The following DSCAML1 variants were observed in gnomAD, a reference collection of about 807,000 sequenced individuals.
The protein encoded by DSCAML1 is cell adhesion molecule DSCAML1.
A neutral mutation model predicts 200.5 loss-of-function variants in DSCAML1; 38 were observed. The observed-to-expected ratio is 0.19, with a 90% CI of 0.15 to 0.25. DSCAML1 has a LOEUF of 0.25. Ranked by LOEUF, DSCAML1 falls within the 10% of genes least tolerant of loss-of-function variation. The pLI, the probability that DSCAML1 is intolerant of heterozygous loss-of-function variation, is 1.00. For missense variants in DSCAML1, 2,223 were observed against 2,858.8 expected (o/e 0.78, Z 5.07); for synonymous variants, 1,215 against 1,165.0 (o/e 1.04, Z -0.87).
chr11:117,634,752 T>C (rs2052243470), intron 3 of DSCAML1, among the ~76,000 whole-genome samples: 1 of 152,140 alleles, frequency 6.6e-6, no homozygotes, highest in African/African-American at 2.4e-5. Flanking sequence ...AGCTGCAAGG[T>C]GGTCCCCTAC....
Position 117,481,190 on chromosome 11 carries a change from G to A in DSCAML1, c.2640C>T (p.Ile880=), listed in dbSNP as rs183596860. 3.1e-5 allele frequency: 50 copies of A among 1,613,898 alleles called. No homozygotes were observed. The East Asian group carries it at 1.1e-3, about 35-fold the overall frequency. ...TGAAGGTACCTTGCACAGTGAGTTG[G>A]ATCAAGCCCCGGTCCTCCCCATACG... ...INSYGEDRGL[I]QLTVQEPPDP... The change falls in exon 13 of 33, where the codon ATC becomes ATT. Residue 880 remains isoleucine, a synonymous_variant. Coordinates refer to ENST00000651296, the MANE Select transcript of DSCAML1 (RefSeq NM_020693.4).
intron 2 of DSCAML1, among the ~76,000 whole-genome samples, chr11:117,777,748 G>C (rs1271189188): frequency 1.3e-5 from 2 of 151,412 alleles, no homozygotes; most frequent in Non-Finnish European, 2.9e-5. Context: ...TCCTGCCTCA[G>C]CTGGCTTCTA....
Position 117,753,867 on chromosome 11 carries a change from C to T in DSCAML1, c.511+22924G>A, listed in dbSNP as rs576709204. ...TCTCATGCTGTTACTCTATGTGACT[C>T]TGGACTAGGTTGTCACTAAGGTCCT... is the stretch of plus-strand genomic sequence containing the variant. On this transcript the variant is annotated intron_variant, in intron 3 of 32. Coordinates refer to ENST00000651296, the MANE Select transcript of DSCAML1 (RefSeq NM_020693.4). Among the ~76,000 whole-genome samples, 18 of 152,320 alleles carry T rather than the reference C, an allele frequency of 1.2e-4. No individual in the cohort carries two copies. In the South Asian group the frequency reaches 3.5e-3, roughly 30 times the overall value.
chr11:117,621,328 G>A (rs908482785), intron 3 of DSCAML1, among the ~76,000 whole-genome samples: 1 of 152,220 alleles, frequency 6.6e-6, no homozygotes, highest in African/African-American at 2.4e-5. Flanking sequence ...AAATATGACA[G>A]GTGGATGCTT....
At chr11:117,471,517 C>T (rs1465224104) in intron 15 of DSCAML1, among the ~76,000 whole-genome samples, 10 of 152,116 alleles carry the variant, frequency 6.6e-5, no homozygotes. Context: ...GAAAACATAG[C>T]AAGATAAACC....
chr11:117,613,350 T>C (rs1410659885), intron 3 of DSCAML1, among the ~76,000 whole-genome samples: 1 of 151,962 alleles, frequency 6.6e-6, no homozygotes, highest in Non-Finnish European at 1.5e-5. Flanking sequence ...CTGGGAAGAC[T>C]CCCTGGAAGA....
intron 3 of DSCAML1, among the ~76,000 whole-genome samples, chr11:117,576,905 C>T (rs1489638772): frequency 1.3e-5 from 2 of 152,178 alleles, no homozygotes; most frequent in African/African-American, 2.4e-5. Flanking sequence ...GGCTTATTAC[C>T]ATTGATCTGC....
intron 8 of DSCAML1, among the ~76,000 whole-genome samples, chr11:117,508,163 T>G (rs1418650302): frequency 3.9e-5 from 6 of 152,174 alleles, no homozygotes; most frequent in Admixed American, 3.9e-4. Context: ...GTCCTTCTCC[T>G]GCTCACAAAG....
Position 117,687,618 on chromosome 11 carries a change from T to C in DSCAML1, c.511+89173A>G, listed in dbSNP as rs562958070. Among the ~76,000 whole-genome samples, 4 of 152,130 alleles carry C rather than the reference T, an allele frequency of 2.6e-5. No homozygotes were observed. In the East Asian group the frequency reaches 7.7e-4, roughly 29 times the overall value. On this transcript the variant is annotated intron_variant, in intron 3 of 32. Transcript: ENST00000651296. ...TTGCAATGTTTTGTTTCAATAATTA[T>C]TTTTTGAGCATCTACTATGTACCCA...
At chr11:117,717,882 C>A (rs1313630010) in intron 3 of DSCAML1, among the ~76,000 whole-genome samples, 1 of 152,178 alleles carries the variant, frequency 6.6e-6, no homozygotes, top group Non-Finnish European at 1.5e-5. Flanking sequence ...GGGATGGGCA[C>A]AAACTGCTTT....
intron 3 of DSCAML1, among the ~76,000 whole-genome samples, chr11:117,539,606 CAAAAAAAAAAAA>C (rs35130897): frequency 3.8e-5 from 2 of 52,612 alleles, no homozygotes; most frequent in African/African-American, 8.1e-5. Flanking sequence ...AAAACTCTGT[CAAAAAAAAAAAA>C]AAAAAAAAAA....
At chr11:117,553,079 T>C (rs551141976) in intron 3 of DSCAML1, among the ~76,000 whole-genome samples, 47 of 152,240 alleles carry the variant, frequency 3.1e-4, no homozygotes, top group Non-Finnish European at 4.1e-4. Flanking sequence ...GGTTGAGGGA[T>C]AGGGAAGGGC....
At chr11:117,602,841 G>A (rs777552325) in intron 3 of DSCAML1, among the ~76,000 whole-genome samples, 1 of 151,900 alleles carries the variant, frequency 6.6e-6, no homozygotes, top group African/African-American at 2.4e-5. Context: ...GCTCACGCCT[G>A]TAAGCCCAGC....
intron 3 of DSCAML1, among the ~76,000 whole-genome samples, chr11:117,721,222 T>C (rs147226961): frequency 6.6e-6 from 1 of 152,328 alleles, no homozygotes; most frequent in Non-Finnish European, 1.5e-5. Context: ...TGCTATTTCC[T>C]CCAGTTACTG....
At chr11:117,697,462 C>T (rs1233041168) in intron 3 of DSCAML1, among the ~76,000 whole-genome samples, 1 of 151,710 alleles carries the variant, frequency 6.6e-6, no homozygotes, top group Non-Finnish European at 1.5e-5. Flanking sequence ...TAAAATTTAC[C>T]AACCCGTTTT....
At chr11:117,725,483 C>G (rs2054110305) in intron 3 of DSCAML1, among the ~76,000 whole-genome samples, 1 of 152,230 alleles carries the variant, frequency 6.6e-6, no homozygotes, top group Non-Finnish European at 1.5e-5. Flanking sequence ...CTGCAATCCC[C>G]CTCTCCTTAC....
chr11:117,762,767 A>G (rs145518466), intron 3 of DSCAML1, among the ~76,000 whole-genome samples: 8,634 of 151,906 alleles, frequency 0.057, 338 homozygotes, highest in African/African-American at 0.098. Context: ...GGAGGCTGAG[A>G]CAGGAGAATC....
chr11:117,796,929 C>T, intron 1 of DSCAML1, 105 bp downstream of exon 1: 1 of 817,758 alleles, frequency 1.2e-6, no homozygotes, highest in Non-Finnish European at 1.7e-6. Context: ...GCACCCCGGT[C>T]GGTTCCCCCA....
At chr11:117,512,613 G>T (rs1373836070) in intron 8 of DSCAML1, among the ~76,000 whole-genome samples, 2 of 151,426 alleles carry the variant, frequency 1.3e-5, no homozygotes, top group African/African-American at 2.4e-5. Context: ...TGAGGGTGGG[G>T]AAGGGGGAAG....
Sources: allele counts gnomAD v4.1 joint callset (sites outside exome capture counted in the v4.1 genomes callset), GRCh38; gene constraint gnomAD v4.1.1; transcripts MANE v1.5; gene names NCBI Gene and HGNC (gene_info 2026-07-23, HGNC 2026-07-21).